Variants in RAB30 observed in about 807,000 individuals in gnomAD.
The protein encoded by RAB30 is RAB30, member RAS oncogene family.
Under a neutral mutation model 25.1 loss-of-function variants are expected in RAB30, and 9 were observed. The observed-to-expected ratio is 0.36, with a 90% CI of 0.22 to 0.63. The LOEUF (loss-of-function observed/expected upper bound fraction) is 0.63. Among genes scored for constraint, RAB30 ranks in the 20% least tolerant of loss-of-function variants. RAB30 has a pLI of 0.69. For missense variants in RAB30, 140 were observed against 243.5 expected (o/e 0.58, Z 2.83); for synonymous variants, 77 against 86.4 (o/e 0.89, Z 0.60).
chr11:82,976,746 G>C lies in RAB30; in HGVS notation c.*5419C>G, dbSNP rs941084801. 6 of 152,018 alleles carry C rather than the reference G, an allele frequency of 3.9e-5. No individual in the cohort carries two copies. The highest frequency in any genetic ancestry group is 8.8e-5 in the Non-Finnish European group (6 of 67,994). The allele number at this position is 152,018 out of a possible 1,614,324, so 9.4% of individuals were successfully genotyped here. Reference sequence around the variant, plus strand: ...AAAACAAAACAAAACCATAAAAAAAGACCAATGAAGAGCCGTCTATCAGCC... The same window carrying C: ...AAAACAAAACAAAACCATAAAAAAACACCAATGAAGAGCCGTCTATCAGCC... On this transcript the variant is annotated 3_prime_UTR_variant, in exon 5 of 5. Transcript: ENST00000527633.
In RAB30 at chr11:83,070,096, G is replaced by C. The variant is rs368267988; in HGVS notation, c.-9+1595C>G. Among the ~76,000 whole-genome samples the C allele has an allele frequency of 3.8e-3, 399 of 105,454 alleles. 1 individual carries two copies. Among genetic ancestry groups the C allele is most frequent in the African/African-American group, 0.014 (379 of 27,560 alleles). 69.2% of individuals were successfully genotyped at this position (105,454 alleles called of 152,430 possible). ...TGTAAACTGCAAATGGAGAGATAGA[G>C]AAATAAACAGAATTTCAAGAGATGT... On this transcript the variant is annotated intron_variant, in intron 1 of 4. Transcript: ENST00000527633.
chr11:83,044,714 G>A (rs1485086849), intron 1 of RAB30, among the ~76,000 whole-genome samples: 1 of 152,132 alleles, frequency 6.6e-6, no homozygotes, highest in Non-Finnish European at 1.5e-5. Flanking sequence ...AATAAATGCA[G>A]CAAAGAATTT....
intron 2 of RAB30, 55 bp from the exon 3 acceptor site, chr11:82,994,177 A>T: frequency 6.8e-7 from 1 of 1,466,852 alleles, no homozygotes; most frequent in Non-Finnish European, 9.5e-7. Flanking sequence ...ATTAAATGAA[A>T]TTTTCTCCTC....
At chr11:83,026,312 T>C (rs1317244010) in intron 1 of RAB30, among the ~76,000 whole-genome samples, 1 of 152,230 alleles carries the variant, frequency 6.6e-6, no homozygotes, top group Non-Finnish European at 1.5e-5. Flanking sequence ...AATCTCATGT[T>C]GAAATGTAAT....
intron 1 of RAB30, chr11:83,041,307 A>G (rs1301508056): frequency 5.5e-6 from 1 of 181,850 alleles, no homozygotes. Flanking sequence ...CCTCAATCAC[A>G]TGCTCCTGGT....
chr11:82,988,601 C>T (rs1856786488), intron 3 of RAB30, among the ~76,000 whole-genome samples: 1 of 152,190 alleles, frequency 6.6e-6, no homozygotes, highest in South Asian at 2.1e-4. Flanking sequence ...CTGCAGTTAT[C>T]TACCAGTTCT....
chr11:82,986,987 A>G (rs937650045), intron 4 of RAB30: 1 of 146,606 alleles, frequency 6.8e-6, no homozygotes, highest in African/African-American at 2.8e-5. Context: ...CACTACAAAC[A>G]GAGAAGTTTT....
Position 82,979,514 on chromosome 11 carries a change from A to G in RAB30, c.*2651T>C, listed in dbSNP as rs1466639679. On this transcript the variant is annotated 3_prime_UTR_variant, in exon 5 of 5. Coordinates refer to ENST00000527633, the MANE Select transcript of RAB30 (RefSeq NM_001286060.2). ...ATAAATTTAGGTTCTGGCCTGGGTT[A>G]AGATGACTGTATTTAGTGTCCTTTC... The G allele has an allele frequency of 6.6e-6, 1 of 152,204 alleles. No individual in the cohort carries two copies. Among genetic ancestry groups the G allele is most frequent in the African/African-American group, 2.4e-5 (1 of 41,464 alleles). The allele number at this position is 152,204 out of a possible 1,614,324, so 9.4% of individuals were successfully genotyped here.
intron 1 of RAB30, among the ~76,000 whole-genome samples, chr11:83,042,629 C>T (rs1377329175): frequency 6.6e-6 from 1 of 152,158 alleles, no homozygotes; most frequent in Non-Finnish European, 1.5e-5. Context: ...AATCTGGCAG[C>T]CCCCACTTTA....
chr11:83,064,772 A>G (rs970453464), intron 1 of RAB30, among the ~76,000 whole-genome samples: 2 of 152,204 alleles, frequency 1.3e-5, no homozygotes, highest in African/African-American at 4.8e-5. Context: ...ACAACGTGTC[A>G]GGTTAAACAA....
intron 3 of RAB30, among the ~76,000 whole-genome samples, chr11:82,988,475 C>T (rs1342240545): frequency 3.9e-5 from 6 of 152,186 alleles, no homozygotes; most frequent in Non-Finnish European, 7.3e-5. Flanking sequence ...ATATAATTTT[C>T]CTTCAGGTCT....
rs188978047 is a variant in RAB30 at position 83,046,259 on chromosome 11, G to A, written c.-9+25432C>T. Among the ~76,000 whole-genome samples the A allele has an allele frequency of 8.5e-5, 13 of 152,216 alleles. No individual in the cohort carries two copies. In the South Asian group the frequency reaches 1.9e-3, roughly 22 times the overall value. On this transcript the variant is annotated intron_variant, in intron 1 of 4. Transcript: ENST00000527633. Reference sequence around the variant, plus strand: ...TAAAATTAAGATTCATACTTCCCTCGGGACCAAAGCTATACATATGCAAGG... The same window carrying A: ...TAAAATTAAGATTCATACTTCCCTCAGGACCAAAGCTATACATATGCAAGG...
At chr11:83,026,326 C>A (rs1201748727) in intron 1 of RAB30, among the ~76,000 whole-genome samples, 1 of 152,186 alleles carries the variant, frequency 6.6e-6, no homozygotes, top group East Asian at 1.9e-4. Flanking sequence ...ATGTAATTCT[C>A]AGTGTTGGAG....
At chr11:82,990,145 A>G (rs1856822017) in intron 3 of RAB30, among the ~76,000 whole-genome samples, 1 of 152,216 alleles carries the variant, frequency 6.6e-6, no homozygotes, top group Non-Finnish European at 1.5e-5. Context: ...CACCTTCAGC[A>G]TGTGGCTACA....
intron 4 of RAB30, among the ~76,000 whole-genome samples, chr11:82,983,762 A>G (rs1057002747): frequency 6.6e-6 from 1 of 152,066 alleles, no homozygotes; most frequent in Non-Finnish European, 1.5e-5. Flanking sequence ...CAAGGTGCTT[A>G]AGATACAGTA....
intron 1 of RAB30, chr11:83,034,878 T>C (rs999335347): frequency 1.3e-5 from 2 of 151,804 alleles, no homozygotes; most frequent in Admixed American, 6.6e-5. Context: ...GAAAGTTCAG[T>C]GTGGGTGAGG....
At chr11:82,996,828 T>A (rs1257881307) in intron 2 of RAB30, among the ~76,000 whole-genome samples, 1 of 152,224 alleles carries the variant, frequency 6.6e-6, no homozygotes, top group Admixed American at 6.5e-5. Context: ...ATTGGTTTAA[T>A]TTGTATTAGA....
At chr11:83,042,935 T>C (rs755688347) in intron 1 of RAB30, among the ~76,000 whole-genome samples, 21 of 152,228 alleles carry the variant, frequency 1.4e-4, no homozygotes, top group Non-Finnish European at 2.1e-4. Context: ...GTTTGGATCC[T>C]GGATTAAAAA....
chr11:83,048,242 G>A (rs938523434), intron 1 of RAB30, among the ~76,000 whole-genome samples: 12 of 152,178 alleles, frequency 7.9e-5, no homozygotes, highest in Non-Finnish European at 1.3e-4. Context: ...AGCACTTAGA[G>A]GCTGAGGTAG....
Sources: gnomAD v4.1 joint callset for allele counts (sites outside exome capture counted in the v4.1 genomes callset) on GRCh38, gnomAD v4.1.1 for gene constraint, MANE v1.5 for transcripts, NCBI Gene and HGNC (gene_info 2026-07-23, HGNC 2026-07-21) for gene names.